FGF14: variants seen among roughly 807,000 people sequenced by gnomAD.
FGF14 encodes fibroblast growth factor 14, also known as fibroblast growth factor homologous factor 4.
Under a neutral mutation model 25.5 loss-of-function variants are expected in FGF14, and 5 were observed. That is an observed-to-expected ratio of 0.20 (90% confidence interval 0.10 to 0.41). The LOEUF (loss-of-function observed/expected upper bound fraction) is 0.41, where lower values mean the gene tolerates loss of function less well. Ranked by LOEUF, FGF14 falls within the 10% of genes least tolerant of loss-of-function variation. The pLI is 1.00. For missense variants in FGF14, 222 were observed against 320.1 expected (o/e 0.69, Z 2.34); for synonymous variants, 138 against 118.3 (o/e 1.17, Z -1.08).
chr13:102,255,106 G>C (rs1308723643), intron 1 of FGF14, among the ~76,000 whole-genome samples: 1 of 152,164 alleles, frequency 6.6e-6, no homozygotes, highest in African/African-American at 2.4e-5. Flanking sequence ...TCATCAACCA[G>C]AAAGATAATG....
At chr13:102,139,552 C>T (rs1397291087) in intron 1 of FGF14, among the ~76,000 whole-genome samples, 3 of 152,020 alleles carry the variant, frequency 2.0e-5, no homozygotes, top group African/African-American at 7.3e-5. Context: ...CCATTCATCG[C>T]CTCATATGTC....
At chr13:101,904,993 A>G (rs981266777) in intron 1 of FGF14, among the ~76,000 whole-genome samples, 1 of 152,212 alleles carries the variant, frequency 6.6e-6, no homozygotes, top group South Asian at 2.1e-4. Flanking sequence ...GAAAACTTCA[A>G]TCTTGCTTCA....
chr13:101,953,141 G>C (rs1189407638), intron 1 of FGF14, among the ~76,000 whole-genome samples: 2 of 152,064 alleles, frequency 1.3e-5, no homozygotes, highest in African/African-American at 4.8e-5. Flanking sequence ...TCTCAGAAGC[G>C]TCAACAGTTG....
intron 1 of FGF14, among the ~76,000 whole-genome samples, chr13:102,355,089 T>C (rs1005118071): frequency 6.6e-6 from 1 of 152,198 alleles, no homozygotes; most frequent in African/African-American, 2.4e-5. Context: ...CACCTCTGTA[T>C]TTTCTGTATC....
At chr13:101,987,320 G>A (rs566023273) in intron 1 of FGF14, among the ~76,000 whole-genome samples, 4 of 152,098 alleles carry the variant, frequency 2.6e-5, no homozygotes, top group African/African-American at 9.6e-5. Flanking sequence ...TCCCTGTACT[G>A]AGAACACACT....
At chr13:102,056,112 A>T (rs558472312) in intron 1 of FGF14, among the ~76,000 whole-genome samples, 121 of 152,368 alleles carry the variant, frequency 7.9e-4, no homozygotes, top group South Asian at 1.2e-3. Context: ...GACAAATCAC[A>T]TCGGCTTTAT....
intron 1 of FGF14, among the ~76,000 whole-genome samples, chr13:101,983,404 G>A (rs986613137): frequency 3.9e-5 from 6 of 152,058 alleles, no homozygotes; most frequent in African/African-American, 1.2e-4. Context: ...AACTCAAGTC[G>A]TTGGTCAGAT....
At chr13:101,930,411 T>G (rs2034671329) in intron 1 of FGF14, among the ~76,000 whole-genome samples, 1 of 152,210 alleles carries the variant, frequency 6.6e-6, no homozygotes, top group Non-Finnish European at 1.5e-5. Context: ...TCATTGTATT[T>G]ATAGCACACT....
chr13:102,231,052 T>C (rs1334492826), intron 1 of FGF14, among the ~76,000 whole-genome samples: 3 of 152,206 alleles, frequency 2.0e-5, no homozygotes, highest in Non-Finnish European at 4.4e-5. Flanking sequence ...CACTGAATTA[T>C]TTCCCTTTTC....
rs34575465 is a variant in FGF14, at chr13:102,312,222, C to CAA, written c.208+89247_208+89248dup. Among the ~76,000 whole-genome samples the CAA allele has an allele frequency of 8.8e-3, 848 of 96,914 alleles. 8 individuals are homozygous for CAA. Among genetic ancestry groups the CAA allele is most frequent in the African/African-American group, 0.028 (798 of 28,238 alleles). The allele number at this position is 96,914 out of a possible 152,430, so 63.6% of individuals were successfully genotyped here. A position where few individuals can be genotyped will look rare whatever the true frequency, so the allele number is the denominator to read the frequency against. ...TAATGAACAAGTACAAGACCTAAAC[C>CAA]AAAAAAAAAAAAAAAAAGGCAAACT... On this transcript the variant is annotated intron_variant, in intron 1 of 4. Transcript: ENST00000376131.
intron 1 of FGF14, among the ~76,000 whole-genome samples, chr13:101,948,445 C>A (rs2035949713): frequency 6.9e-6 from 1 of 144,458 alleles, no homozygotes; most frequent in African/African-American, 2.7e-5. Context: ...GCACATGTAC[C>A]CTAGAACTTA....
chr13:102,144,821 A>G (rs2046787211), intron 1 of FGF14, among the ~76,000 whole-genome samples: 1 of 152,212 alleles, frequency 6.6e-6, no homozygotes, highest in South Asian at 2.1e-4. Context: ...TATTTCAAAT[A>G]ATTTTCATCT....
chr13:102,071,642 C>T (rs568912622), intron 1 of FGF14, among the ~76,000 whole-genome samples: 4 of 152,012 alleles, frequency 2.6e-5, no homozygotes, highest in Admixed American at 6.6e-5. Flanking sequence ...GAAAGTGATC[C>T]GTTTACTTCT....
At chr13:102,202,047 C>T (rs2049677841) in intron 1 of FGF14, among the ~76,000 whole-genome samples, 1 of 152,116 alleles carries the variant, frequency 6.6e-6, no homozygotes, top group African/African-American at 2.4e-5. Flanking sequence ...GGCACCTCCC[C>T]CAATCTCTTT....
At position 102,057,111 on chromosome 13, in the gene FGF14, A is replaced by G. The variant is rs142241148; in HGVS notation, c.209-181815T>C. ...TTAATTAGTGATTTTGCTAAAATGA[A>G]AGCAGAAAAAGTAAATTCAAAGGAG... On this transcript the variant is annotated intron_variant, in intron 1 of 4. Coordinates refer to the FGF14 transcript ENST00000376131. 5.3e-3 allele frequency among the ~76,000 whole-genome samples: 804 copies of G among 152,104 alleles called. 6 individuals carry two copies. Among genetic ancestry groups the G allele is most frequent in the African/African-American group, 0.018 (768 of 41,556 alleles).
chr13:102,068,873 G>A (rs2043026780), intron 1 of FGF14, among the ~76,000 whole-genome samples: 1 of 152,224 alleles, frequency 6.6e-6, no homozygotes, highest in South Asian at 2.1e-4. Flanking sequence ...CAGGGCGTGG[G>A]CTGGCAGGCA....
At chr13:102,401,887 T>C, upstream of FGF14, 5 of 599,362 alleles carry the variant, frequency 8.3e-6, no homozygotes, top group Non-Finnish European at 1.2e-5. Context: ...CCAACTGAGA[T>C]CAAAACTAAT....
intron 1 of FGF14, among the ~76,000 whole-genome samples, chr13:102,294,299 C>G (rs940451625): frequency 5.9e-5 from 9 of 151,644 alleles, no homozygotes; most frequent in African/African-American, 2.2e-4. Flanking sequence ...TTCTCCATTG[C>G]TTAATCTTCA....
chr13:102,003,893 C>G (rs74108959), intron 1 of FGF14, among the ~76,000 whole-genome samples: 3,452 of 152,170 alleles, frequency 0.023, 122 homozygotes, highest in African/African-American at 0.077. Flanking sequence ...ATCGAAGACA[C>G]CACTCAGTTA....
Sources: allele counts gnomAD v4.1 joint callset (sites outside exome capture counted in the v4.1 genomes callset), GRCh38; gene constraint gnomAD v4.1.1; transcripts MANE v1.5; gene names NCBI Gene and HGNC (gene_info 2026-07-23, HGNC 2026-07-21).